Variants in WWOX observed in about 807,000 individuals in gnomAD.
WWOX encodes the protein WW domain-containing oxidoreductase.
A neutral mutation model predicts 46.2 loss-of-function variants in WWOX; 69 were observed. The observed-to-expected ratio is 1.49, with a 90% CI of 1.23 to 1.82. The LOEUF is 1.82. Among genes scored for constraint, WWOX ranks in the 40% most tolerant of loss-of-function variants. The pLI, the probability that WWOX is intolerant of heterozygous loss-of-function variation, is 0.00. For synonymous variants in WWOX, 359 were observed against 202.6 expected, an observed-to-expected ratio of 1.77 and a Z score of -6.56; for missense variants, 919 against 542.6, an observed-to-expected ratio of 1.69 and a Z score of -6.89.
chr16:78,749,353 A>G (rs1167445744), intron 8 of WWOX, among the ~76,000 whole-genome samples: 2 of 152,240 alleles, frequency 1.3e-5, no homozygotes, highest in Admixed American at 1.3e-4. Flanking sequence ...GAAATTCAAA[A>G]CAAAACAATG....
chr16:78,237,938 T>G (rs1364012029), intron 5 of WWOX: 1 of 152,232 alleles, frequency 6.6e-6, no homozygotes, highest in Non-Finnish European at 1.5e-5. Context: ...ATTTTCAGTC[T>G]TTTTTGTAGC....
intron 8 of WWOX, among the ~76,000 whole-genome samples, chr16:78,665,986 A>G (rs1337209531): frequency 2.0e-5 from 3 of 151,400 alleles, no homozygotes; most frequent in African/African-American, 7.3e-5. Context: ...CGCCTGGCCA[A>G]GATACTGAGA....
At chr16:78,630,473 A>C (rs1054893439) in intron 8 of WWOX, among the ~76,000 whole-genome samples, 5 of 152,192 alleles carry the variant, frequency 3.3e-5, no homozygotes, top group African/African-American at 9.6e-5. Flanking sequence ...TACGTGGCCA[A>C]CTTCCAATAA....
At chr16:78,728,293 C>G (rs899065822) in intron 8 of WWOX, among the ~76,000 whole-genome samples, 1 of 151,934 alleles carries the variant, frequency 6.6e-6, no homozygotes, top group African/African-American at 2.4e-5. Context: ...TCAAACTGAA[C>G]TCCTGAGCTC....
rs140286746 is a variant in WWOX, at chr16:78,530,051, C to G, written c.1056+97299C>G. ...AGAGGTGAACTGCACTCACTTGAAC[C>G]CCCTGCACTCCACCCCTTCTGGGAG... On this transcript the variant is annotated intron_variant, in intron 8 of 8. Transcript: ENST00000566780. Among the ~76,000 whole-genome samples the G allele has an allele frequency of 3.9e-5, 6 of 152,248 alleles. No homozygotes were observed. In the East Asian group the frequency reaches 1.2e-3, roughly 30 times the overall value.
At chr16:78,500,072 C>T (rs1339935102) in intron 8 of WWOX, among the ~76,000 whole-genome samples, 1 of 152,170 alleles carries the variant, frequency 6.6e-6, no homozygotes, top group Non-Finnish European at 1.5e-5. Context: ...AACAGCAAAG[C>T]AGACTAGCAT....
chr16:78,766,220 C>T (rs1341689053), intron 8 of WWOX, among the ~76,000 whole-genome samples: 1 of 152,204 alleles, frequency 6.6e-6, no homozygotes, highest in Non-Finnish European at 1.5e-5. Flanking sequence ...AAAAGGATTC[C>T]ACCAGGTAAA....
intron 5 of WWOX, among the ~76,000 whole-genome samples, chr16:78,207,200 CCTA>C (rs1171671639): frequency 1.3e-5 from 2 of 152,174 alleles, no homozygotes; most frequent in East Asian, 3.8e-4. Context: ...CCCACATGGA[CCTA>C]CTCTATCCCA....
intron 3 of WWOX, among the ~76,000 whole-genome samples, chr16:78,113,200 A>G: frequency 6.6e-6 from 1 of 152,008 alleles, no homozygotes; most frequent in East Asian, 1.9e-4. Flanking sequence ...CCAGGCCCCC[A>G]CCCCAGACCT....
chr16:78,667,442 G>A (rs1307455736), intron 8 of WWOX, among the ~76,000 whole-genome samples: 8 of 151,990 alleles, frequency 5.3e-5, no homozygotes, highest in East Asian at 3.9e-4. Context: ...AGGCCGAGGC[G>A]GGTGGATCAC....
At chr16:78,816,829 T>C (rs1415321757) in intron 8 of WWOX, among the ~76,000 whole-genome samples, 1 of 152,182 alleles carries the variant, frequency 6.6e-6, no homozygotes, top group Non-Finnish European at 1.5e-5. Context: ...CAATGCCAAG[T>C]ACTCATCTGT....
chr16:78,567,025 T>G (rs998875286), intron 8 of WWOX, among the ~76,000 whole-genome samples: 6 of 151,846 alleles, frequency 4.0e-5, no homozygotes, highest in African/African-American at 1.5e-4. Context: ...GGCATGAGGC[T>G]GAAGTCATAC....
intron 8 of WWOX, among the ~76,000 whole-genome samples, chr16:78,542,434 G>A (rs1192287528): frequency 6.6e-6 from 1 of 152,136 alleles, no homozygotes; most frequent in Non-Finnish European, 1.5e-5. Context: ...TAGTCCCCCA[G>A]TTTGCGTTTG....
chr16:78,304,821 A>C (rs1170616567), intron 5 of WWOX, among the ~76,000 whole-genome samples: 1 of 152,194 alleles, frequency 6.6e-6, no homozygotes, highest in African/African-American at 2.4e-5. Flanking sequence ...AATTCTGTAC[A>C]ATATGGCCAA....
chr16:78,854,370 C>G (rs1044080362), intron 8 of WWOX, among the ~76,000 whole-genome samples: 1 of 152,044 alleles, frequency 6.6e-6, no homozygotes, highest in Non-Finnish European at 1.5e-5. Flanking sequence ...CTTTTAGCAC[C>G]AAATGTTTGA....
chr16:78,385,806 C>G (rs879228425), intron 5 of WWOX, among the ~76,000 whole-genome samples: 1 of 152,216 alleles, frequency 6.6e-6, no homozygotes, highest in African/African-American at 2.4e-5. Flanking sequence ...CGGGACTCTT[C>G]TTATTTGAAT....
chr16:78,564,764 T>C (rs1214952539), intron 8 of WWOX, among the ~76,000 whole-genome samples: 3 of 152,224 alleles, frequency 2.0e-5, no homozygotes, highest in African/African-American at 4.8e-5. Flanking sequence ...TTCACCTATT[T>C]CCTTATTTGT....
chr16:78,919,764 CT>C (rs981859983), intron 8 of WWOX, among the ~76,000 whole-genome samples: 13 of 152,132 alleles, frequency 8.5e-5, no homozygotes, highest in Non-Finnish European at 1.5e-4. Flanking sequence ...ATCCACTCGC[CT>C]TGGCCTCCCA....
rs980921419 is a variant in WWOX at position 78,840,714 on chromosome 16, T to A, written c.1057-370894T>A. Among the ~76,000 whole-genome samples the A allele has an allele frequency of 1.2e-3, 179 of 152,044 alleles. 5 individuals are homozygous for A. The highest frequency in any genetic ancestry group is 0.012 in the Admixed American group (178 of 15,256). Reference sequence around the variant, plus strand: ...GAGCTTCTTTGTTTCCTTTTCTTATTTAATTTTTGTGGGTACCTAGTAGGT... The same window carrying A: ...GAGCTTCTTTGTTTCCTTTTCTTATATAATTTTTGTGGGTACCTAGTAGGT... On this transcript the variant is annotated intron_variant, in intron 8 of 8. Transcript: ENST00000566780.
Sources: allele counts gnomAD v4.1 joint callset (sites outside exome capture counted in the v4.1 genomes callset), GRCh38; gene constraint gnomAD v4.1.1; transcripts MANE v1.5; gene names NCBI Gene and HGNC (gene_info 2026-07-23, HGNC 2026-07-21).